ARHGAP28: variants seen among roughly 807,000 people sequenced by gnomAD.
ARHGAP28 encodes the protein rho GTPase-activating protein 28.
A neutral mutation model predicts 90.7 loss-of-function variants in ARHGAP28; 56 were observed. That is an observed-to-expected ratio of 0.62 (90% CI 0.50 to 0.77). The LOEUF is 0.77. Among genes scored for constraint, ARHGAP28 ranks in the 30% least tolerant of loss-of-function variants. The probability of loss-of-function intolerance (pLI) is 0.00; values close to 1 mark genes in which losing one functional copy is unlikely to be tolerated. For synonymous variants in ARHGAP28, 308 were observed against 323.3 expected, an observed-to-expected ratio of 0.95 and a Z score of 0.51; for missense variants, 869 against 900.9, an observed-to-expected ratio of 0.96 and a Z score of 0.45.
chr18:6,882,505 A>G, intron 11 of ARHGAP28: 1 of 420,904 alleles, frequency 2.4e-6, no homozygotes, highest in South Asian at 9.2e-5. Context: ...AATCATTAAA[A>G]GGCAGAGGGG....
At chr18:6,765,349 G>A (rs1399018659) in intron 1 of ARHGAP28, among the ~76,000 whole-genome samples, 1 of 152,094 alleles carries the variant, frequency 6.6e-6, no homozygotes, top group Non-Finnish European at 1.5e-5. Context: ...TTCTTCTTCT[G>A]TCAGTTCTAA....
chr18:6,771,452 G>A (rs2056242137), intron 1 of ARHGAP28, among the ~76,000 whole-genome samples: 1 of 152,274 alleles, frequency 6.6e-6, no homozygotes, highest in Non-Finnish European at 1.5e-5. Flanking sequence ...GAAAAGAAGA[G>A]AGATGGGGAG....
rs539740403 is a variant in ARHGAP28 at position 6,840,802 on chromosome 18, A to G, written c.543+3388A>G. 1.9e-3 allele frequency among the ~76,000 whole-genome samples: 284 copies of G among 152,294 alleles called. 1 individual carries two copies. The highest frequency in any genetic ancestry group is 6.8e-3 in the Middle Eastern group (2 of 294). On this transcript the variant is annotated intron_variant, in intron 3 of 17. Transcript: ENST00000383472. The stretch of plus-strand genomic sequence containing the variant: ...GTTAAAAGGGCTTGTGCTGTCTTGG[A>G]AAATAGCGCAGTCAGTGAAATGAAA...
At chr18:6,845,622 C>T (rs951705137) in intron 3 of ARHGAP28, among the ~76,000 whole-genome samples, 15 of 152,116 alleles carry the variant, frequency 9.9e-5, no homozygotes, top group Admixed American at 5.9e-4. Context: ...CACCATATGT[C>T]CATAATGTGT....
rs546222855 is a variant in ARHGAP28 at position 6,827,236 on chromosome 18, G to C, written c.325+2272G>C. On this transcript the variant is annotated intron_variant, in intron 2 of 17. Coordinates refer to ENST00000383472, the MANE Select transcript of ARHGAP28 (RefSeq NM_001366230.1). ...CCAGACAGGGTGGTGGCCGGGCAGA[G>C]GGGCTCCTCACTTCCCAGTAGGGGC... is the stretch of plus-strand genomic sequence containing the variant. 6.8e-3 allele frequency among the ~76,000 whole-genome samples: 1,030 copies of C among 152,164 alleles called. 7 individuals carry two copies. Among genetic ancestry groups the C allele is most frequent in the Non-Finnish European group, 0.011 (757 of 67,972 alleles).
chr18:6,893,580 A>G (rs1192904937), intron 14 of ARHGAP28, among the ~76,000 whole-genome samples: 1 of 152,120 alleles, frequency 6.6e-6, no homozygotes, highest in Non-Finnish European at 1.5e-5. Context: ...TACTACCCAT[A>G]TGAGCCTGGA....
intron 2 of ARHGAP28, among the ~76,000 whole-genome samples, chr18:6,829,235 C>T (rs2056697256): frequency 6.6e-6 from 1 of 152,172 alleles, no homozygotes; most frequent in Admixed American, 6.5e-5. Context: ...CTTTTTCTTA[C>T]TATCTATCTA....
intron 1 of ARHGAP28, among the ~76,000 whole-genome samples, chr18:6,736,963 T>G (rs1258501175): frequency 1.3e-5 from 2 of 152,168 alleles, no homozygotes; most frequent in East Asian, 3.9e-4. Context: ...AAAGTAAACA[T>G]TCTAATTTGC....
intron 1 of ARHGAP28, among the ~76,000 whole-genome samples, chr18:6,782,163 C>A (rs1279890884): frequency 5.3e-5 from 8 of 152,066 alleles, no homozygotes; most frequent in Non-Finnish European, 1.2e-4. Flanking sequence ...TGCTTAGCCA[C>A]TGCAACTGAT....
intron 7 of ARHGAP28, among the ~76,000 whole-genome samples, chr18:6,871,869 A>G (rs896616523): frequency 2.0e-5 from 3 of 152,130 alleles, no homozygotes; most frequent in Admixed American, 2.0e-4. Flanking sequence ...ACACTATACT[A>G]GATATTCTAT....
At chr18:6,864,302 G>A (rs1243130279) in intron 5 of ARHGAP28, among the ~76,000 whole-genome samples, 1 of 152,106 alleles carries the variant, frequency 6.6e-6, no homozygotes, top group Non-Finnish European at 1.5e-5. Context: ...CTGACCTCGT[G>A]ATCCACCTGC....
At chr18:6,858,982 A>G (rs1293176805) in intron 4 of ARHGAP28, among the ~76,000 whole-genome samples, 2 of 152,226 alleles carry the variant, frequency 1.3e-5, no homozygotes, top group African/African-American at 2.4e-5. Flanking sequence ...AAATTTTGCA[A>G]TAAGTTTCCT....
At chr18:6,825,879 CA>C (rs1413520039) in intron 2 of ARHGAP28, among the ~76,000 whole-genome samples, 2 of 152,122 alleles carry the variant, frequency 1.3e-5, no homozygotes, top group Non-Finnish European at 2.9e-5. Context: ...AGGTTGATTC[CA>C]TATCTTTGCA....
intron 14 of ARHGAP28, among the ~76,000 whole-genome samples, chr18:6,894,052 A>G (rs759942501): frequency 7.9e-5 from 12 of 151,922 alleles, no homozygotes; most frequent in Non-Finnish European, 1.2e-4. Flanking sequence ...TATTTTTAGT[A>G]AAGACGGGGT....
chr18:6,811,668 T>C (rs1004770493), intron 1 of ARHGAP28, among the ~76,000 whole-genome samples: 15 of 152,180 alleles, frequency 9.9e-5, no homozygotes, highest in Non-Finnish European at 1.6e-4. Flanking sequence ...TATTTTTTTT[T>C]CTACTACAAT....
At chr18:6,864,841 TG>T (rs1189728823) in intron 5 of ARHGAP28, among the ~76,000 whole-genome samples, 1 of 146,476 alleles carries the variant, frequency 6.8e-6, no homozygotes, top group Non-Finnish European at 1.5e-5. Flanking sequence ...TGCACCACCA[TG>T]CCCAGCTAAA....
At chr18:6,868,401 C>A (rs1183412124) in intron 6 of ARHGAP28, among the ~76,000 whole-genome samples, 167 bp downstream of exon 6, 1 of 152,168 alleles carries the variant, frequency 6.6e-6, no homozygotes, top group Non-Finnish European at 1.5e-5. Flanking sequence ...CTCCAAACAC[C>A]CCATTCTGTC....
chr18:6,870,457 C>A, intron 6 of ARHGAP28, 133 bp from the exon 7 acceptor site: 1 of 901,862 alleles, frequency 1.1e-6, no homozygotes, highest in Non-Finnish European at 1.7e-6. Flanking sequence ...GAGTCTGCTG[C>A]TTTTCCTCGC....
rs150370095 is a variant in ARHGAP28 at position 6,748,017 on chromosome 18, C to T, written c.122+18074C>T. ...TAATTATGTGAATGCAAAAATATTA[C>T]TAATAACAGAGCATATTGTGGAGGC... is the stretch of plus-strand genomic sequence containing the variant. On this transcript the variant is annotated intron_variant, in intron 1 of 17. Transcript: ENST00000383472. Among the ~76,000 whole-genome samples, 442 of 152,328 alleles carry T rather than the reference C, an allele frequency of 2.9e-3. 1 individual carries two copies. The highest frequency in any genetic ancestry group is 4.7e-3 in the Non-Finnish European group (322 of 68,034).
Sources: gnomAD v4.1 joint callset for allele counts (sites outside exome capture counted in the v4.1 genomes callset) on GRCh38, gnomAD v4.1.1 for gene constraint, MANE v1.5 for transcripts, NCBI Gene and HGNC (gene_info 2026-07-23, HGNC 2026-07-21) for gene names.